FRY: variants seen among roughly 807,000 people sequenced by gnomAD.
FRY encodes the protein FRY microtubule binding protein, also known as protein furry homolog.
A neutral mutation model predicts 348.4 loss-of-function variants in FRY; 128 were observed. The observed-to-expected ratio is 0.37, with a 90% confidence interval of 0.32 to 0.43. The LOEUF is 0.43. Ranked by LOEUF, FRY falls within the 20% of genes least tolerant of loss-of-function variation. The pLI is 1.00. For missense variants in FRY, 2,736 were observed against 3,695.2 expected, an observed-to-expected ratio of 0.74 and a Z score of 6.73; for synonymous variants, 1,370 against 1,374.7, an observed-to-expected ratio of 1.00 and a Z score of 0.08.
At chr13:32,050,675 T>A (rs557386823) in intron 1 of FRY, among the ~76,000 whole-genome samples, 1 of 152,310 alleles carries the variant, frequency 6.6e-6, no homozygotes, top group Admixed American at 6.5e-5. Context: ...CCCACCCTTA[T>A]GTGAGGAAGT....
At chr13:32,231,028 T>G (rs1885881161) in intron 40 of FRY, 151 bp from the exon 41 acceptor site, 2 of 628,952 alleles carry the variant, frequency 3.2e-6, no homozygotes, top group Non-Finnish European at 5.4e-6. Context: ...TTTGTTTAAG[T>G]TCCTTATAGA....
chr13:32,279,439 C>G (rs1888709385), intron 58 of FRY, among the ~76,000 whole-genome samples: 1 of 152,196 alleles, frequency 6.6e-6, no homozygotes, highest in Non-Finnish European at 1.5e-5. Context: ...TGAGAAGAGT[C>G]TGGAGAAGTT....
Position 32,237,935 on chromosome 13 carries a change from C to T in FRY, c.6367C>T (p.Leu2123=). The change falls in exon 44 of 61, where the codon CTG becomes TTG. Residue 2123 remains leucine, a synonymous_variant. Coordinates refer to ENST00000542859, the MANE Select transcript of FRY (RefSeq NM_023037.3). This position sits in a 1 kb window ranked among gnomAD's most constrained non-coding sequence, Gnocchi z 6.3. Reference sequence around the variant, plus strand: ...AGACCTGACCCTGCAGCTCTTCAGTCTGCTGACACCAGTGTCCAAAATATC... The same window carrying T: ...AGACCTGACCCTGCAGCTCTTCAGTTTGCTGACACCAGTGTCCAAAATATC... ...TTDLTLQLFS[L]LTPVSKISMV... 6.2e-7 allele frequency: 1 copy of T among 1,614,150 alleles called. No individual in the cohort carries two copies. Among genetic ancestry groups the T allele is most frequent in the Non-Finnish European group, 8.5e-7 (1 of 1,180,016 alleles).
At chr13:32,091,408 C>T (rs995546469) in intron 2 of FRY, among the ~76,000 whole-genome samples, 2 of 152,226 alleles carry the variant, frequency 1.3e-5, no homozygotes, top group Admixed American at 6.5e-5. Flanking sequence ...GTATTCAGAA[C>T]TGTGAGTCTT....
intron 35 of FRY, among the ~76,000 whole-genome samples, chr13:32,213,412 G>A (rs1044825024): frequency 6.6e-6 from 1 of 152,192 alleles, no homozygotes; most frequent in African/African-American, 2.4e-5. Context: ...ATCCATACGG[G>A]CTTCCCTTCA....
intron 1 of FRY, among the ~76,000 whole-genome samples, chr13:32,042,654 T>G (rs955932881): frequency 2.0e-5 from 3 of 152,156 alleles, no homozygotes; most frequent in African/African-American, 7.2e-5. Context: ...TTTGCTTCAC[T>G]TAAGTCAGGA....
chr13:32,135,191 AC>A lies in FRY; in HGVS notation c.1077+9del, dbSNP rs771795848. On this transcript the variant is annotated intron_variant, in intron 10 of 60. Transcript: ENST00000542859. ...CGAAAGAAGCATTCCTTGGTTAGTA[AC>A]TATGAGAAAATCGAAAACACAAACA... is the stretch of plus-strand genomic sequence containing the variant. 2 of 1,548,860 alleles carry A rather than the reference AC, an allele frequency of 1.3e-6. No homozygotes were observed. The highest frequency in any genetic ancestry group is 1.8e-6 in the Non-Finnish European group (2 of 1,120,538).
chr13:32,164,441 A>C (rs2138189973), intron 17 of FRY, among the ~76,000 whole-genome samples: 1 of 152,242 alleles, frequency 6.6e-6, no homozygotes, highest in African/African-American at 2.4e-5. Flanking sequence ...TGTGTCCCAC[A>C]CAGCTGCTCC....
intron 7 of FRY, among the ~76,000 whole-genome samples, chr13:32,127,642 G>T (rs1355346938): frequency 6.6e-6 from 1 of 151,996 alleles, no homozygotes; most frequent in Non-Finnish European, 1.5e-5. Flanking sequence ...AGCTGGGAGT[G>T]GTGGCACGCA....
At chr13:32,179,376 A>G (rs938262831) in intron 22 of FRY, among the ~76,000 whole-genome samples, 5 of 152,222 alleles carry the variant, frequency 3.3e-5, no homozygotes, top group African/African-American at 1.2e-4. Context: ...TGCCTTGATT[A>G]AATAAATTAT....
At chr13:32,049,507 T>C (rs1242448990) in intron 1 of FRY, among the ~76,000 whole-genome samples, 2 of 152,176 alleles carry the variant, frequency 1.3e-5, no homozygotes, top group Non-Finnish European at 2.9e-5. Context: ...CGATCTCAGC[T>C]CACTGCAAGC....
chr13:32,143,657 ATATGC>A (rs886615873), intron 11 of FRY, among the ~76,000 whole-genome samples: 2 of 152,250 alleles, frequency 1.3e-5, no homozygotes, highest in Non-Finnish European at 2.9e-5. Flanking sequence ...ATTTCAAATG[ATATGC>A]TATGCAAATA....
chr13:32,135,818 C>A (rs1419142718), intron 10 of FRY, among the ~76,000 whole-genome samples: 1 of 152,158 alleles, frequency 6.6e-6, no homozygotes, highest in Non-Finnish European at 1.5e-5. Flanking sequence ...GATCTGGTTA[C>A]TGGCATGGTT....
intron 1 of FRY, among the ~76,000 whole-genome samples, chr13:32,072,580 C>A (rs1874736605): frequency 6.7e-6 from 1 of 149,648 alleles, no homozygotes; most frequent in South Asian, 2.1e-4. Context: ...TTTGCAGTAC[C>A]TTTTTACATG....
intron 31 of FRY, among the ~76,000 whole-genome samples, chr13:32,206,553 T>C (rs1400841776): frequency 6.6e-6 from 1 of 152,098 alleles, no homozygotes; most frequent in African/African-American, 2.4e-5. Flanking sequence ...AGGAGGAGTT[T>C]TAAGGATGAG....
intron 57 of FRY, among the ~76,000 whole-genome samples, chr13:32,276,777 C>T (rs554988870): frequency 2.6e-5 from 4 of 152,194 alleles, no homozygotes; most frequent in South Asian, 2.1e-4. Flanking sequence ...TTTCAGCATT[C>T]ACTTTTAGCC....
intron 14 of FRY, among the ~76,000 whole-genome samples, 179 bp from the exon 15 acceptor site, chr13:32,155,312 A>G (rs1732588827): frequency 6.6e-6 from 1 of 152,246 alleles, no homozygotes; most frequent in African/African-American, 2.4e-5. Flanking sequence ...ATGCAACAAG[A>G]AAAAACAGTG....
At chr13:32,148,955 C>T (rs1275637748) in intron 13 of FRY, among the ~76,000 whole-genome samples, 1 of 151,578 alleles carries the variant, frequency 6.6e-6, no homozygotes, top group African/African-American at 2.4e-5. Flanking sequence ...TATCATGTGA[C>T]TGAGAATGTG....
At chr13:32,248,028 A>C (rs1385238675) in intron 48 of FRY, among the ~76,000 whole-genome samples, 1 of 152,232 alleles carries the variant, frequency 6.6e-6, no homozygotes, top group Non-Finnish European at 1.5e-5. Context: ...AGTCAGGAAG[A>C]AAAGAAAGGA....
Sources: allele counts gnomAD v4.1 joint callset (sites outside exome capture counted in the v4.1 genomes callset), GRCh38; gene constraint gnomAD v4.1.1; non-coding constraint Gnocchi (gnomAD v3.1); transcripts MANE v1.5; gene names NCBI Gene and HGNC (gene_info 2026-07-23, HGNC 2026-07-21).